The following PSPH variants were observed in gnomAD, a reference collection of about 807,000 sequenced individuals.
PSPH encodes phosphoserine phosphatase, also known as L-3-phosphoserine phosphatase.
A neutral mutation model predicts 23.4 loss-of-function variants in PSPH; 16 were observed. That is an observed-to-expected ratio of 0.68 (90% CI 0.46 to 1.04). The LOEUF (loss-of-function observed/expected upper bound fraction) is 1.04, where lower values mean the gene tolerates loss of function less well. Ranked by LOEUF, PSPH falls within the 50% of genes least tolerant of loss-of-function variation. The pLI is 0.00. For synonymous variants in PSPH, 68 were observed against 99.7 expected, an observed-to-expected ratio of 0.68 and a Z score of 1.89; for missense variants, 223 against 273.7, an observed-to-expected ratio of 0.81 and a Z score of 1.31.
intron 1 of PSPH, among the ~76,000 whole-genome samples, chr7:56,042,659 A>G (rs1235860516): frequency 6.7e-6 from 1 of 149,042 alleles, no homozygotes; most frequent in African/African-American, 2.5e-5. Context: ...TCAGAAGGAA[A>G]AAAAAAAAAA....
chr7:56,022,603 C>G (rs34530076), intron 3 of PSPH, among the ~76,000 whole-genome samples: 44,735 of 152,020 alleles, frequency 0.29, 6,641 homozygotes, highest in East Asian at 0.43. Flanking sequence ...CAGGAATTCA[C>G]ACTAAGCAGG....
At chr7:56,012,693 G>C (rs910469862) in intron 7 of PSPH, among the ~76,000 whole-genome samples, 2 of 150,882 alleles carry the variant, frequency 1.3e-5, no homozygotes, top group African/African-American at 4.9e-5. Flanking sequence ...GGAGGCTGAG[G>C]TGGGTGGATC....
At position 56,025,204 on chromosome 7, in the gene PSPH, G is replaced by A. The variant is rs192946323; in HGVS notation, c.-19-3973C>T. 5.7e-4 allele frequency among the ~76,000 whole-genome samples: 87 copies of A among 152,000 alleles called. 1 individual carries two copies. The South Asian group carries it at 9.2e-3, about 16-fold the overall frequency. ...CTGTGGATTTTACCAACCTCAGTCC[G>A]CACAAATACACATACACACACATTT... On this transcript the variant is annotated intron_variant, in intron 3 of 7. Coordinates refer to ENST00000275605, the MANE Select transcript of PSPH (RefSeq NM_004577.4).
chr7:56,035,868 C>A (rs1462944371), intron 1 of PSPH, among the ~76,000 whole-genome samples: 12 of 151,986 alleles, frequency 7.9e-5, no homozygotes, highest in Non-Finnish European at 1.2e-4. Context: ...GATCTGCCCA[C>A]CTCGGCCTCC....
intron 1 of PSPH, among the ~76,000 whole-genome samples, chr7:56,047,856 C>T (rs1234453234): frequency 6.6e-6 from 1 of 152,036 alleles, no homozygotes; most frequent in Non-Finnish European, 1.5e-5. Context: ...TTAGTAGAGA[C>T]GGTGTTGCAC....
intron 1 of PSPH, among the ~76,000 whole-genome samples, chr7:56,049,533 G>A (rs1437440683): frequency 2.0e-5 from 3 of 149,916 alleles, no homozygotes; most frequent in Non-Finnish European, 4.4e-5. Flanking sequence ...CCAACTCCCA[G>A]GTTTAAGTGA....
intron 1 of PSPH, among the ~76,000 whole-genome samples, chr7:56,048,824 G>C (rs2117247435): frequency 6.8e-6 from 1 of 146,822 alleles, no homozygotes; most frequent in East Asian, 2.0e-4. Flanking sequence ...TTTAAGTTCA[G>C]GGATATATGT....
intron 3 of PSPH, among the ~76,000 whole-genome samples, chr7:56,023,935 T>G (rs1789810578): frequency 6.6e-6 from 1 of 152,086 alleles, no homozygotes; most frequent in Non-Finnish European, 1.5e-5. Flanking sequence ...TTTTTTTGTT[T>G]TTTTTGTTTG....
intron 4 of PSPH, among the ~76,000 whole-genome samples, chr7:56,020,163 G>C (rs890495085): frequency 6.7e-6 from 1 of 150,302 alleles, no homozygotes; most frequent in African/African-American, 2.5e-5. Flanking sequence ...AGGTTGCAGT[G>C]AGCCAAGATC....
chr7:56,019,207 C>T (rs991590947), intron 5 of PSPH, among the ~76,000 whole-genome samples: 2 of 151,944 alleles, frequency 1.3e-5, no homozygotes, highest in Non-Finnish European at 2.9e-5. Context: ...TTTGGGAGGC[C>T]CAGGCAGGCA....
Position 56,021,806 on chromosome 7 carries a change from C to T in PSPH, c.-19-575G>A, listed in dbSNP as rs889961474. 5.3e-5 allele frequency among the ~76,000 whole-genome samples: 8 copies of T among 151,448 alleles called. No individual in the cohort carries two copies. The East Asian group carries it at 5.9e-4, about 11-fold the overall frequency. ...CTACTAAAAATATAAAAAAATTAGC[C>T]GGGCGTGGTGGCAGGCGCCTGTAGT... On this transcript the variant is annotated intron_variant, in intron 3 of 7. Transcript: ENST00000275605.
chr7:56,045,873 CAAG>C (rs1249003806), intron 1 of PSPH, among the ~76,000 whole-genome samples: 1 of 117,458 alleles, frequency 8.5e-6, no homozygotes, highest in East Asian at 2.7e-4. Context: ...GGTGACAGAG[CAAG>C]ACTTTGTCTC....
chr7:56,036,032 T>C (rs2116999115), intron 1 of PSPH, among the ~76,000 whole-genome samples: 1 of 152,070 alleles, frequency 6.6e-6, no homozygotes, highest in South Asian at 2.1e-4. Flanking sequence ...AGTTCAAGAC[T>C]AGCCTGGCTA....
intron 7 of PSPH, among the ~76,000 whole-genome samples, chr7:56,014,468 T>G (rs1022303634): frequency 1.3e-5 from 2 of 152,248 alleles, no homozygotes; most frequent in Admixed American, 1.3e-4. Flanking sequence ...TTGTTTTTGT[T>G]AACTCCTGTT....
At chr7:56,015,288 C>T (rs1438760200) in intron 6 of PSPH, 117 bp from the exon 7 acceptor site, 22 of 1,189,664 alleles carry the variant, frequency 1.8e-5, no homozygotes, top group Admixed American at 5.3e-5. Context: ...AAATGGCCGT[C>T]GGTAAAGTCA....
intron 1 of PSPH, among the ~76,000 whole-genome samples, chr7:56,039,786 A>T (rs1401537006): frequency 4.0e-5 from 6 of 149,512 alleles, no homozygotes; most frequent in African/African-American, 1.2e-4. Flanking sequence ...AAAAAAAAAA[A>T]AAAAAAATTA....
At chr7:56,015,345 C>G (rs1584380551) in intron 6 of PSPH, among the ~76,000 whole-genome samples, 174 bp from the exon 7 acceptor site, 3 of 152,114 alleles carry the variant, frequency 2.0e-5, no homozygotes, top group Admixed American at 2.0e-4. Context: ...ACAAGCTTTG[C>G]TTTGCTTTTA....
chr7:56,044,094 A>C (rs1339203930), intron 1 of PSPH, among the ~76,000 whole-genome samples: 2 of 151,834 alleles, frequency 1.3e-5, no homozygotes, highest in Non-Finnish European at 2.9e-5. Context: ...GTAGCTGGGA[A>C]TACACGCCTG....
At chr7:56,024,374 G>T (rs1789886121) in intron 3 of PSPH, among the ~76,000 whole-genome samples, 1 of 151,704 alleles carries the variant, frequency 6.6e-6, no homozygotes, top group African/African-American at 2.4e-5. Context: ...ACCACGACTG[G>T]CTGATTTTTA....
Sources: gnomAD v4.1 joint callset for allele counts (sites outside exome capture counted in the v4.1 genomes callset) on GRCh38, gnomAD v4.1.1 for gene constraint, MANE v1.5 for transcripts, NCBI Gene and HGNC (gene_info 2026-07-23, HGNC 2026-07-21) for gene names.